The following FNTB variants were observed in gnomAD, a reference collection of about 807,000 sequenced individuals.
The protein encoded by FNTB is farnesyltransferase, CAAX box, subunit beta, also known as protein farnesyltransferase subunit beta.
A neutral mutation model predicts 59.4 loss-of-function variants in FNTB; 27 were observed. The ratio of observed to expected loss-of-function variants is 0.45; its 90% CI spans 0.34 to 0.63. The LOEUF (loss-of-function observed/expected upper bound fraction) is 0.63. FNTB is among the 20% of genes least tolerant of loss of function. The probability of loss-of-function intolerance (pLI) is 0.02; values close to 1 mark genes in which losing one functional copy is unlikely to be tolerated. For missense variants in FNTB, 449 were observed against 559.6 expected, an observed-to-expected ratio of 0.80 and a Z score of 1.99; for synonymous variants, 230 against 220.7, an observed-to-expected ratio of 1.04 and a Z score of -0.37.
At chr14:65,026,432 A>G (rs558610142) in intron 4 of FNTB, among the ~76,000 whole-genome samples, 15 of 152,330 alleles carry the variant, frequency 9.8e-5, no homozygotes, top group African/African-American at 3.6e-4. Flanking sequence ...AGAATTCTCC[A>G]AGAACCCGCA....
Position 65,031,835 on chromosome 14 carries a change from T to C in FNTB, c.606-775T>C, listed in dbSNP as rs142601844. Among the ~76,000 whole-genome samples the C allele has an allele frequency of 1.3e-5, 2 of 152,104 alleles. No individual in the cohort carries two copies. The highest frequency in any genetic ancestry group is 2.0e-4 in the East Asian group (1 of 5,100). On this transcript the variant is annotated intron_variant, in intron 6 of 11. Coordinates refer to ENST00000246166, the MANE Select transcript of FNTB (RefSeq NM_002028.4). This position sits in a 1 kb window ranked among gnomAD's most constrained non-coding sequence, Gnocchi z 4.6. ...ACTTGGGAGGCTGATACAGGAGAAT[T>C]GCTTGAACCCAGGAGGCGGAGGTTG...
At chr14:64,999,590 TG>T (rs1888525102) in intron 1 of FNTB, among the ~76,000 whole-genome samples, 1 of 152,204 alleles carries the variant, frequency 6.6e-6, no homozygotes, top group South Asian at 2.1e-4. Context: ...TAGAAGTCAT[TG>T]ATTTGTGCAG....
rs1322031971 is a variant in FNTB, at chr14:65,012,425, T to C, written c.282+36T>C. ...TACCCAGGAACTCTTGCTGTCAAAT[T>C]ATCCACCAAATCCTCCTCCTTTTTC... On this transcript the variant is annotated intron_variant, in intron 3 of 11. Transcript: ENST00000246166. The surrounding 1 kb of genome is among the most constrained non-coding windows in gnomAD (Gnocchi z 5.0). 2.5e-6 allele frequency: 4 copies of C among 1,612,974 alleles called. No individual in the cohort carries two copies. Among genetic ancestry groups the C allele is most frequent in the Non-Finnish European group, 3.4e-6 (4 of 1,179,076 alleles).
chr14:65,054,722 C>G lies in FNTB; in HGVS notation c.1182+33C>G. 2 of 1,574,228 alleles carry G rather than the reference C, an allele frequency of 1.3e-6. No homozygotes were observed. Among genetic ancestry groups the G allele is most frequent in the Non-Finnish European group, 1.7e-6 (2 of 1,157,648 alleles). ...GGGTGCAGGGCTTCACACCCCTTCTCCACAGGGACCTCGCGGACAGAAGGC... is the reference window on the plus strand; with the variant it reads ...GGGTGCAGGGCTTCACACCCCTTCTGCACAGGGACCTCGCGGACAGAAGGC... On this transcript the variant is annotated intron_variant, in intron 11 of 11. Transcript: ENST00000246166. The surrounding 1 kb of genome is among the most constrained non-coding windows in gnomAD (Gnocchi z 4.4).
In FNTB at chr14:65,027,905, T is replaced by A; in HGVS notation, c.605+124T>A. The A allele has an allele frequency of 1.6e-6, 2 of 1,265,180 alleles. No individual in the cohort carries two copies. The highest frequency in any genetic ancestry group is 2.5e-5 in the East Asian group (1 of 40,346). 78.4% of individuals were successfully genotyped at this position (1,265,180 alleles called of 1,614,324 possible). ...CTTTGTCCCAGAATGACACATGGGA[T>A]GACATGTCAGTGACACGTCAGAATC... On this transcript the variant is annotated intron_variant, in intron 6 of 11. Transcript: ENST00000246166. This position sits in a 1 kb window ranked among gnomAD's most constrained non-coding sequence, Gnocchi z 5.7.
Position 65,027,489 on chromosome 14 carries a change from A to G in FNTB, c.411A>G (p.Glu137=). ...CQFLELCQSP[E]GGFGGGPGQY... ...TCCTGGAGCTGTGTCAGAGCCCAGA[A>G]GGTGGCTTTGGAGGAGGACCCGGTC... Residue 137 remains glutamate, a synonymous_variant, in exon 5 of 12, where the codon GAA becomes GAG. Coordinates refer to ENST00000246166, the MANE Select transcript of FNTB (RefSeq NM_002028.4). This position sits in a 1 kb window ranked among gnomAD's most constrained non-coding sequence, Gnocchi z 5.7. 1 of 1,614,236 alleles carries G rather than the reference A, an allele frequency of 6.2e-7. No homozygotes were observed. Among genetic ancestry groups the G allele is most frequent in the African/African-American group, 1.3e-5 (1 of 75,056 alleles).
intron 4 of FNTB, 94 bp downstream of exon 4, chr14:65,015,810 A>G (rs2061763216): frequency 7.2e-7 from 1 of 1,392,102 alleles, no homozygotes; most frequent in South Asian, 1.2e-5. Context: ...TTTGGAATGG[A>G]AAAAAACAGT....
At chr14:65,004,684 C>T (rs1470642919) in intron 2 of FNTB, among the ~76,000 whole-genome samples, 1 of 151,294 alleles carries the variant, frequency 6.6e-6, no homozygotes, top group Admixed American at 6.6e-5. Context: ...TTTTTTGAGA[C>T]AGCGTTTCGC....
chr14:65,029,150 C>T lies in FNTB; in HGVS notation c.605+1369C>T, dbSNP rs1450443743. On this transcript the variant is annotated intron_variant, in intron 6 of 11. Coordinates refer to ENST00000246166, the MANE Select transcript of FNTB (RefSeq NM_002028.4). This position sits in a 1 kb window ranked among gnomAD's most constrained non-coding sequence, Gnocchi z 4.7. Reference sequence around the variant, plus strand: ...CCTTTGCTCTTTGGGTGATGCTCTGCCATTCGTGCCCGTGCTTTCTATTTA... The same window carrying T: ...CCTTTGCTCTTTGGGTGATGCTCTGTCATTCGTGCCCGTGCTTTCTATTTA... Among the ~76,000 whole-genome samples, 1 of 152,138 alleles carries T rather than the reference C, an allele frequency of 6.6e-6. No individual in the cohort carries two copies. The highest frequency in any genetic ancestry group is 1.5e-5 in the Non-Finnish European group (1 of 68,040).
chr14:65,018,217 T>A (rs930264717), intron 4 of FNTB, among the ~76,000 whole-genome samples: 5 of 152,000 alleles, frequency 3.3e-5, no homozygotes, highest in African/African-American at 1.2e-4. Flanking sequence ...GGTGCACACT[T>A]CTAGTTCTAG....
chr14:65,025,635 C>T (rs527991668), intron 4 of FNTB, among the ~76,000 whole-genome samples: 7 of 151,910 alleles, frequency 4.6e-5, no homozygotes, highest in South Asian at 4.2e-4. Context: ...GGCAACATGG[C>T]GAAACCCCAT....
chr14:65,045,838 A>G (rs1037888249), intron 9 of FNTB, among the ~76,000 whole-genome samples: 4 of 152,206 alleles, frequency 2.6e-5, no homozygotes, highest in African/African-American at 9.7e-5. Flanking sequence ...ACTGGGCTTT[A>G]GGTGTCAGTA....
At chr14:65,052,693 T>A (rs948595036) in intron 9 of FNTB, among the ~76,000 whole-genome samples, 2 of 152,224 alleles carry the variant, frequency 1.3e-5, no homozygotes, top group Admixed American at 1.3e-4. Context: ...ACTAGTAATG[T>A]TTCTTAGGTA....
At position 65,037,404 on chromosome 14, in the gene FNTB, T is replaced by TC. The variant is rs2062222140; in HGVS notation, c.693-3386_693-3385insC. ...AGGCGTGAGCCACCACGCCGGGCCC[T>TC]TTTTTTTTTTTTTTTTTTTTTTTTT... is the stretch of plus-strand genomic sequence containing the variant. On this transcript the variant is annotated intron_variant, in intron 7 of 11. Coordinates refer to ENST00000246166, the MANE Select transcript of FNTB (RefSeq NM_002028.4). 4.0e-4 allele frequency among the ~76,000 whole-genome samples: 5 copies of TC among 12,570 alleles called. 2 individuals carry two copies. Among genetic ancestry groups the TC allele is most frequent in the Admixed American group, 1.0e-3 (1 of 998 alleles). 8.2% of individuals were successfully genotyped at this position (12,570 alleles called of 152,430 possible).
Position 64,991,037 on chromosome 14 carries a change from C to G in FNTB, c.144+3940C>G, listed in dbSNP as rs563965240. On this transcript the variant is annotated intron_variant, in intron 1 of 11. Transcript: ENST00000246166. The surrounding 1 kb of genome is among the most constrained non-coding windows in gnomAD (Gnocchi z 4.4). ...CCATCTGGAATCATCCCATTGCAGA[C>G]ACTCTGATTCAGGCCAGTAGGTTAA... is the stretch of plus-strand genomic sequence containing the variant. Among the ~76,000 whole-genome samples, 5 of 152,308 alleles carry G rather than the reference C, an allele frequency of 3.3e-5. No individual in the cohort carries two copies. The South Asian group carries it at 1.0e-3, about 32-fold the overall frequency.
chr14:64,997,196 G>T lies in FNTB; in HGVS notation c.145-7053G>T, dbSNP rs575645538. ...CCAGCGATTATTCCGGAGGTCACAA[G>T]ATTTAGAGCTTTCTCAATTACTCCT... On this transcript the variant is annotated intron_variant, in intron 1 of 11. Coordinates refer to ENST00000246166, the MANE Select transcript of FNTB (RefSeq NM_002028.4). This position sits in a 1 kb window ranked among gnomAD's most constrained non-coding sequence, Gnocchi z 4.5. Among the ~76,000 whole-genome samples, 15 of 152,304 alleles carry T rather than the reference G, an allele frequency of 9.8e-5. No homozygotes were observed. The highest frequency in any genetic ancestry group is 7.8e-4 in the Admixed American group (12 of 15,304).
Position 65,028,778 on chromosome 14 carries a change from A to ACT in FNTB, c.605+997_605+998insCT, listed in dbSNP as rs2062028344. Among the ~76,000 whole-genome samples the ACT allele has an allele frequency of 6.6e-6, 1 of 152,226 alleles. No homozygotes were observed. The highest frequency in any genetic ancestry group is 6.5e-5 in the Admixed American group (1 of 15,282). On this transcript the variant is annotated intron_variant, in intron 6 of 11. Transcript: ENST00000246166. This position sits in a 1 kb window ranked among gnomAD's most constrained non-coding sequence, Gnocchi z 4.4. ...AGTAGAACGACTGAGGTAAATCAGT[A>ACT]TGTGTTGATTCTTCTTAAGGAAAAT...
intron 4 of FNTB, among the ~76,000 whole-genome samples, chr14:65,016,938 T>TC (rs969980523): frequency 1.3e-5 from 2 of 150,058 alleles, no homozygotes; most frequent in African/African-American, 4.9e-5. Context: ...TTTTTTTTTT[T>TC]TTGAGACAGA....
At chr14:65,041,914 A>G (rs1397600266) in intron 8 of FNTB, among the ~76,000 whole-genome samples, 2 of 152,222 alleles carry the variant, frequency 1.3e-5, no homozygotes, top group African/African-American at 4.8e-5. Context: ...TCAGTTATAA[A>G]GACAGTGTTC....
Sources: gnomAD v4.1 joint callset for allele counts (sites outside exome capture counted in the v4.1 genomes callset) on GRCh38, gnomAD v4.1.1 for gene constraint, Gnocchi (gnomAD v3.1) non-coding constraint, MANE v1.5 for transcripts, NCBI Gene and HGNC (gene_info 2026-07-23, HGNC 2026-07-21) for gene names.